The following SLC35E3 variants were observed in gnomAD, a reference collection of about 807,000 sequenced individuals.
SLC35E3 encodes solute carrier family 35 member E3, also known as bladder cancer-overexpressed gene 1 protein.
SLC35E3 carries 28 observed loss-of-function variants against 30.8 expected under a neutral mutation model. That is an observed-to-expected ratio of 0.91 (90% CI 0.67 to 1.25). SLC35E3 has a LOEUF of 1.25. SLC35E3 is among the 50% of genes most tolerant of loss of function. SLC35E3 has a pLI of 0.00. For synonymous variants in SLC35E3, 146 were observed against 149.2 expected (o/e 0.98, Z 0.16); for missense variants, 365 against 375.4 (o/e 0.97, Z 0.23).
At chr12:68,749,030 ATCTT>A (rs1490795973) in intron 2 of SLC35E3, among the ~76,000 whole-genome samples, 1 of 152,234 alleles carries the variant, frequency 6.6e-6, no homozygotes, top group Non-Finnish European at 1.5e-5. Flanking sequence ...ATTCCTATTC[ATCTT>A]TCTTGTTAAA....
At chr12:68,763,323 C>T (rs1879285082) in intron 4 of SLC35E3, among the ~76,000 whole-genome samples, 1 of 151,910 alleles carries the variant, frequency 6.6e-6, no homozygotes. Context: ...CAAGAGAGTA[C>T]TCATTTATAT....
Position 68,765,029 on chromosome 12 carries a change from A to C in SLC35E3, c.*139A>C. On this transcript the variant is annotated 3_prime_UTR_variant, in exon 5 of 5. Coordinates refer to ENST00000398004, the MANE Select transcript of SLC35E3 (RefSeq NM_018656.5). ...CCCAGCACTTTGGGAGGCCAAGGCC[A>C]GCGGATCACTTGAGGTCAGGAGTTC... 1 of 683,648 alleles carries C rather than the reference A, an allele frequency of 1.5e-6. No homozygotes were observed. The highest frequency in any genetic ancestry group is 2.3e-6 in the Non-Finnish European group (1 of 425,946). The allele number at this position is 683,648 out of a possible 1,614,324, so 42.3% of individuals were successfully genotyped here.
At chr12:68,763,942 G>A (rs895119883) in intron 4 of SLC35E3, among the ~76,000 whole-genome samples, 2 of 152,150 alleles carry the variant, frequency 1.3e-5, no homozygotes, top group African/African-American at 4.8e-5. Flanking sequence ...AGCCTGCAGT[G>A]AAGGTAAACG....
rs1036408194 is a variant in SLC35E3, at chr12:68,768,669, C to G, written c.*3779C>G. 6.6e-6 allele frequency: 1 copy of G among 152,124 alleles called. No homozygotes were observed. The highest frequency in any genetic ancestry group is 2.4e-5 in the African/African-American group (1 of 41,416). The allele number at this position is 152,124 out of a possible 1,614,324, so 9.4% of individuals were successfully genotyped here. On this transcript the variant is annotated 3_prime_UTR_variant, in exon 5 of 5. Coordinates refer to ENST00000398004, the MANE Select transcript of SLC35E3 (RefSeq NM_018656.5). The stretch of plus-strand genomic sequence containing the variant: ...TTTACCTTTTAAAAATAAAGAGAAC[C>G]TCTTTTTACTTCTGTATTGCATATG...
chr12:68,754,834 T>TC, intron 3 of SLC35E3, among the ~76,000 whole-genome samples: 1 of 152,096 alleles, frequency 6.6e-6, no homozygotes, highest in South Asian at 2.1e-4. Context: ...GCTCAAGTGA[T>TC]CCCCCCAACC....
intron 4 of SLC35E3, among the ~76,000 whole-genome samples, chr12:68,760,447 T>G (rs1466700429): frequency 1.3e-5 from 2 of 152,234 alleles, no homozygotes; most frequent in African/African-American, 4.8e-5. Context: ...TTGTATGTAT[T>G]AGTCCATTTA....
At chr12:68,757,259 A>G (rs1440735682) in intron 3 of SLC35E3, among the ~76,000 whole-genome samples, 2 of 152,190 alleles carry the variant, frequency 1.3e-5, no homozygotes, top group Non-Finnish European at 2.9e-5. Context: ...CTCCTCTTCA[A>G]CGTGGAACTA....
chr12:68,758,928 A>T (rs1262275629), intron 3 of SLC35E3, among the ~76,000 whole-genome samples: 1 of 151,680 alleles, frequency 6.6e-6, no homozygotes, highest in African/African-American at 2.4e-5. Flanking sequence ...TTTTTAGTAG[A>T]GATGGGGTTT....
chr12:68,766,606 A>T lies in SLC35E3; in HGVS notation c.*1716A>T, dbSNP rs1879427011. The T allele has an allele frequency of 9.2e-6, 2 of 218,154 alleles. No individual in the cohort carries two copies. Among genetic ancestry groups the T allele is most frequent in the African/African-American group, 2.4e-5 (1 of 42,500 alleles). The allele number at this position is 218,154 out of a possible 1,614,324, so 13.5% of individuals were successfully genotyped here. A position where few individuals can be genotyped will look rare whatever the true frequency, so the allele number is the denominator to read the frequency against. ...ATATTGGTAAATTTTTTATTTTCTTATTTTTTGTCTTACAGTCGACCAGGC... is the reference window on the plus strand; with the variant it reads ...ATATTGGTAAATTTTTTATTTTCTTTTTTTTTGTCTTACAGTCGACCAGGC... On this transcript the variant is annotated 3_prime_UTR_variant, in exon 5 of 5. Transcript: ENST00000398004.
chr12:68,753,992 G>A (rs1277517835), intron 3 of SLC35E3, among the ~76,000 whole-genome samples: 2 of 151,820 alleles, frequency 1.3e-5, no homozygotes, highest in Non-Finnish European at 2.9e-5. Flanking sequence ...GACTATAGGC[G>A]CACACCACCA....
Position 68,764,950 on chromosome 12 carries a change from G to A in SLC35E3, c.*60G>A. 6.5e-7 allele frequency: 1 copy of A among 1,527,580 alleles called. No homozygotes were observed. Among genetic ancestry groups the A allele is most frequent in the Non-Finnish European group, 8.9e-7 (1 of 1,129,620 alleles). The allele number at this position is 1,527,580 out of a possible 1,614,324, so 94.6% of individuals were successfully genotyped here. A position where few individuals can be genotyped will look rare whatever the true frequency, so the allele number is the denominator to read the frequency against. ...GAAGATAAAAAATATTGTTAAGTGT[G>A]CAAGTTATTAAAAAAAAAAAATTGG... On this transcript the variant is annotated 3_prime_UTR_variant, in exon 5 of 5. Coordinates refer to ENST00000398004, the MANE Select transcript of SLC35E3 (RefSeq NM_018656.5).
chr12:68,763,552 G>A (rs933030134), intron 4 of SLC35E3, among the ~76,000 whole-genome samples: 2 of 152,078 alleles, frequency 1.3e-5, no homozygotes, highest in African/African-American at 4.8e-5. Flanking sequence ...ACCACGCCCG[G>A]CTAATTTTGT....
chr12:68,757,150 G>A (rs1460778790), intron 3 of SLC35E3, among the ~76,000 whole-genome samples: 9 of 152,138 alleles, frequency 5.9e-5, no homozygotes, highest in East Asian at 1.9e-4. Context: ...AATAAAAGCC[G>A]TCTATGACAG....
In SLC35E3 at chr12:68,770,488, A is replaced by G. The variant is rs556786843; in HGVS notation, c.*5598A>G. Reference sequence around the variant, plus strand: ...GGAAATAATTGAGTAGCTGGAGTCAACTGGACTGGAGATGGATTGGAAATG... The same window carrying G: ...GGAAATAATTGAGTAGCTGGAGTCAGCTGGACTGGAGATGGATTGGAAATG... On this transcript the variant is annotated 3_prime_UTR_variant, in exon 5 of 5. Transcript: ENST00000398004. The G allele has an allele frequency of 6.6e-6, 1 of 152,596 alleles. No individual in the cohort carries two copies. The highest frequency in any genetic ancestry group is 2.1e-4 in the South Asian group (1 of 4,834). 9.5% of individuals were successfully genotyped at this position (152,596 alleles called of 1,614,324 possible). A position where few individuals can be genotyped will look rare whatever the true frequency, so the allele number is the denominator to read the frequency against.
chr12:68,756,381 A>C (rs1250127157), intron 3 of SLC35E3, among the ~76,000 whole-genome samples: 1 of 150,666 alleles, frequency 6.6e-6, no homozygotes, highest in Non-Finnish European at 1.5e-5. Context: ...AGTCATCTTC[A>C]TTCCTTAATG....
rs1879833072 is a variant in SLC35E3 at position 68,779,657 on chromosome 12, G to T, written c.*14767G>T. ...ATAAAATGTGATTAATAAATATGGGGGCCAGGTACAGTGGCCTGCATCTGT... is the reference window on the plus strand; with the variant it reads ...ATAAAATGTGATTAATAAATATGGGTGCCAGGTACAGTGGCCTGCATCTGT... On this transcript the variant is annotated 3_prime_UTR_variant, in exon 5 of 5. Transcript: ENST00000398004. The T allele has an allele frequency of 2.6e-5, 4 of 152,276 alleles. No homozygotes were observed. The South Asian group carries it at 8.3e-4, about 32-fold the overall frequency. 9.4% of individuals were successfully genotyped at this position (152,276 alleles called of 1,614,324 possible).
Position 68,779,160 on chromosome 12 carries a change from T to C in SLC35E3, c.*14270T>C, listed in dbSNP as rs1298181017. 1 of 152,146 alleles carries C rather than the reference T, an allele frequency of 6.6e-6. No homozygotes were observed. The highest frequency in any genetic ancestry group is 2.4e-5 in the African/African-American group (1 of 41,368). The allele number at this position is 152,146 out of a possible 1,614,324, so 9.4% of individuals were successfully genotyped here. A position where few individuals can be genotyped will look rare whatever the true frequency, so the allele number is the denominator to read the frequency against. ...TCTTTCTCTGTGGCCGACGCTGGAGTGCAGTGCCTTTTTGCAGGCACAATC... is the reference window on the plus strand; with the variant it reads ...TCTTTCTCTGTGGCCGACGCTGGAGCGCAGTGCCTTTTTGCAGGCACAATC... On this transcript the variant is annotated 3_prime_UTR_variant, in exon 5 of 5. Coordinates refer to ENST00000398004, the MANE Select transcript of SLC35E3 (RefSeq NM_018656.5).
At chr12:68,762,618 A>G (rs897291531) in intron 4 of SLC35E3, among the ~76,000 whole-genome samples, 2 of 152,196 alleles carry the variant, frequency 1.3e-5, no homozygotes, top group African/African-American at 2.4e-5. Flanking sequence ...TTGCTTTTAC[A>G]AAAGGATTCA....
Position 68,778,538 on chromosome 12 carries a change from T to G in SLC35E3, c.*13648T>G, listed in dbSNP as rs563693461. 6.6e-6 allele frequency: 1 copy of G among 152,200 alleles called. No individual in the cohort carries two copies. Among genetic ancestry groups the G allele is most frequent in the East Asian group, 1.9e-4 (1 of 5,172 alleles). The allele number at this position is 152,200 out of a possible 1,614,324, so 9.4% of individuals were successfully genotyped here. A position where few individuals can be genotyped will look rare whatever the true frequency, so the allele number is the denominator to read the frequency against. Reference sequence around the variant, plus strand: ...GGCGTGGTGACTCATGCCTGTAATCTCAGCACTTTGCAAGGCCGAAGCGGG... The same window carrying G: ...GGCGTGGTGACTCATGCCTGTAATCGCAGCACTTTGCAAGGCCGAAGCGGG... On this transcript the variant is annotated 3_prime_UTR_variant, in exon 5 of 5. Transcript: ENST00000398004.
Sources: allele counts gnomAD v4.1 joint callset (sites outside exome capture counted in the v4.1 genomes callset), GRCh38; gene constraint gnomAD v4.1.1; transcripts MANE v1.5; gene names NCBI Gene and HGNC (gene_info 2026-07-23, HGNC 2026-07-21).